TENM3: variants seen among roughly 807,000 people sequenced by gnomAD.
TENM3 encodes teneurin-3.
Under a neutral mutation model 255.1 loss-of-function variants are expected in TENM3, and 63 were observed. That is an observed-to-expected ratio of 0.25 (90% CI 0.20 to 0.30). TENM3 has a LOEUF of 0.30. TENM3 is among the 10% of genes least tolerant of loss of function. The pLI, the probability that TENM3 is intolerant of heterozygous loss-of-function variation, is 1.00. For missense variants in TENM3, 2,929 were observed against 3,461.1 expected (o/e 0.85, Z 3.86); for synonymous variants, 1,306 against 1,322.3 (o/e 0.99, Z 0.27).
chr4:181,569,515 G>C, the TENM3 span, among the ~76,000 whole-genome samples: 1 of 152,030 alleles, frequency 6.6e-6, no homozygotes, highest in African/African-American at 2.4e-5. Flanking sequence ...TTCCAGCCTG[G>C]GGTTGTTTCC....
At chr4:181,991,617 C>A in the TENM3 span, among the ~76,000 whole-genome samples, 1 of 152,156 alleles carries the variant, frequency 6.6e-6, no homozygotes, top group Non-Finnish European at 1.5e-5. Flanking sequence ...CCTTGTGGAC[C>A]AGTGTCAGCC....
At chr4:182,341,244 G>A (rs975922351) in intron 2 of TENM3, among the ~76,000 whole-genome samples, 1 of 151,986 alleles carries the variant, frequency 6.6e-6, no homozygotes, top group African/African-American at 2.4e-5. Context: ...TCTTTATTAT[G>A]TTTTTAAATT....
intron 3 of TENM3, among the ~76,000 whole-genome samples, chr4:182,510,630 C>T (rs1737299870): frequency 6.6e-6 from 1 of 152,140 alleles, no homozygotes; most frequent in Non-Finnish European, 1.5e-5. Flanking sequence ...TTTGTCCTTA[C>T]CACTAGGAAG....
the TENM3 span, among the ~76,000 whole-genome samples, chr4:181,819,344 T>A: frequency 6.6e-6 from 1 of 152,154 alleles, no homozygotes; most frequent in Admixed American, 6.5e-5. Context: ...AGAAGTTCCA[T>A]AGAAAGAATA....
intron 2 of TENM3, among the ~76,000 whole-genome samples, chr4:182,345,277 A>C (rs573864291): frequency 3.7e-4 from 57 of 152,150 alleles, no homozygotes; most frequent in Non-Finnish European, 5.9e-4. Flanking sequence ...TATTTACTAC[A>C]TTGTCCATTA....
intron 1 of TENM3, among the ~76,000 whole-genome samples, chr4:182,272,683 G>A (rs191656560): frequency 5.9e-5 from 9 of 152,288 alleles, no homozygotes; most frequent in East Asian, 5.8e-4. Context: ...TTTGTTGAAC[G>A]TTTATGGAGC....
At chr4:182,026,789 TG>T in the TENM3 span, among the ~76,000 whole-genome samples, 1 of 152,188 alleles carries the variant, frequency 6.6e-6, no homozygotes, top group African/African-American at 2.4e-5. Flanking sequence ...GATTTGTTTC[TG>T]GGTTCTTTAC....
At chr4:182,589,036 G>C (rs181280788) in intron 3 of TENM3, among the ~76,000 whole-genome samples, 28 of 152,228 alleles carry the variant, frequency 1.8e-4, no homozygotes, top group African/African-American at 6.0e-4. Flanking sequence ...GAATAGCAGA[G>C]ACCATTCATA....
rs759172671 is a variant in TENM3, at chr4:182,675,397, C to T, written c.1326+2178C>T. ...TCTCTACTAAAAATACAAAATTAGC[C>T]GAACGTGGTAGCGCACACCTGTAAT... On this transcript the variant is annotated intron_variant, in intron 7 of 27. Transcript: ENST00000511685. Among the ~76,000 whole-genome samples, 10 of 151,964 alleles carry T rather than the reference C, an allele frequency of 6.6e-5. No homozygotes were observed. The East Asian group carries it at 9.8e-4, about 15-fold the overall frequency.
chr4:182,326,949 G>A (rs932697309), intron 2 of TENM3, among the ~76,000 whole-genome samples: 2 of 152,310 alleles, frequency 1.3e-5, no homozygotes, highest in Admixed American at 6.5e-5. Flanking sequence ...GTAATTGGGT[G>A]AATGAGGACG....
the TENM3 span, among the ~76,000 whole-genome samples, chr4:181,990,298 T>C: frequency 2.6e-5 from 4 of 152,164 alleles, no homozygotes; most frequent in Admixed American, 2.6e-4. Flanking sequence ...AAATGTCTCT[T>C]CTTCTGAAGT....
chr4:182,389,008 A>G (rs889704750), intron 3 of TENM3, among the ~76,000 whole-genome samples: 41 of 152,222 alleles, frequency 2.7e-4, no homozygotes, highest in Non-Finnish European at 2.8e-4. Context: ...TGAAATTTCA[A>G]ACATAAATTA....
At chr4:181,831,918 C>T in the TENM3 span, among the ~76,000 whole-genome samples, 1 of 150,970 alleles carries the variant, frequency 6.6e-6, no homozygotes, top group African/African-American at 2.4e-5. Context: ...GTCAACCCTG[C>T]ATGAAGCATC....
At chr4:181,487,517 G>C in the TENM3 span, among the ~76,000 whole-genome samples, 1 of 152,272 alleles carries the variant, frequency 6.6e-6, no homozygotes, top group East Asian at 1.9e-4. Flanking sequence ...TCACATGGTG[G>C]AAGGGGCAAG....
intron 5 of TENM3, among the ~76,000 whole-genome samples, chr4:182,632,175 C>A (rs1751431365): frequency 6.6e-6 from 1 of 152,106 alleles, no homozygotes; most frequent in South Asian, 2.1e-4. Context: ...ATTCATTATA[C>A]ATCATCTATA....
chr4:181,626,481 T>C, the TENM3 span, among the ~76,000 whole-genome samples: 1 of 152,148 alleles, frequency 6.6e-6, no homozygotes, highest in Non-Finnish European at 1.5e-5. Context: ...CAGCATCTGC[T>C]TCTGATGAGG....
chr4:182,242,182 A>G (rs1046452586), upstream of TENM3, among the ~76,000 whole-genome samples: 1 of 151,832 alleles, frequency 6.6e-6, no homozygotes, highest in African/African-American at 2.4e-5. Context: ...TACATTAGGT[A>G]TATCTCCTAA....
intron 1 of TENM3, among the ~76,000 whole-genome samples, chr4:182,249,929 CT>C (rs1029436597): frequency 1.3e-5 from 2 of 151,408 alleles, no homozygotes; most frequent in Non-Finnish European, 2.9e-5. Context: ...TGCCTGGCTA[CT>C]TTTTTTTAAG....
chr4:182,183,843 C>T (rs894563045), intron 1 of TENM3, among the ~76,000 whole-genome samples: 1 of 152,082 alleles, frequency 6.6e-6, no homozygotes, highest in Non-Finnish European at 1.5e-5. Flanking sequence ...CTTTTACATT[C>T]TAGTCTTCAG....
Sources: gnomAD v4.1 joint callset for allele counts (sites outside exome capture counted in the v4.1 genomes callset) on GRCh38, gnomAD v4.1.1 for gene constraint, MANE v1.5 for transcripts, NCBI Gene and HGNC (gene_info 2026-07-23, HGNC 2026-07-21) for gene names.